FAM120C: variants seen among roughly 807,000 people sequenced by gnomAD.
The protein encoded by FAM120C is constitutive coactivator of PPAR-gamma-like protein 2.
FAM120C carries 14 observed loss-of-function variants against 71.2 expected under a neutral mutation model. The observed-to-expected ratio is 0.20, with a 90% CI of 0.13 to 0.31. The LOEUF is 0.31. Among genes scored for constraint, FAM120C ranks in the 10% least tolerant of loss-of-function variants. The pLI, the probability that FAM120C is intolerant of heterozygous loss-of-function variation, is 1.00. For synonymous variants in FAM120C, 354 were observed against 353.2 expected (o/e 1.00, Z -0.03); for missense variants, 500 against 879.0 (o/e 0.57, Z 5.45).
chrX:54,160,393 G>C (rs1393584493), intron 1 of FAM120C, among the ~76,000 whole-genome samples: 1 of 111,189 alleles, frequency 9.0e-6, no homozygotes, highest in African/African-American at 3.3e-5. Context: ...AAGGCTACGA[G>C]AGATTGGCTG....
intron 13 of FAM120C, among the ~76,000 whole-genome samples, chrX:54,084,824 C>T (rs953291928): frequency 1.8e-5 from 2 of 111,502 alleles, no homozygotes; most frequent in Non-Finnish European, 3.8e-5. Context: ...TAAACTGTAG[C>T]TCAAGTGCCA....
Position 54,070,729 on chromosome X carries a change from A to G in FAM120C, c.*2304T>C, listed in dbSNP as rs1003185647. On this transcript the variant is annotated 3_prime_UTR_variant, in exon 16 of 16. Coordinates refer to ENST00000375180, the MANE Select transcript of FAM120C (RefSeq NM_017848.6). ...AAGAGAAGGGGGACCACATTAAGGG[A>G]GCTGATTCCAAAGAGGAGGTTTTTC... is the stretch of plus-strand genomic sequence containing the variant. 1.8e-5 allele frequency: 2 copies of G among 111,696 alleles called. No homozygotes were observed. Among genetic ancestry groups the G allele is most frequent in the Non-Finnish European group, 3.8e-5 (2 of 53,190 alleles). 9.2% of individuals were successfully genotyped at this position (111,696 alleles called of 1,213,427 possible). A position where few individuals can be genotyped will look rare whatever the true frequency, so the allele number is the denominator to read the frequency against.
rs147691767 is a variant in FAM120C at position 54,159,257 on chromosome X, A to C, written c.946+113T>G. On this transcript the variant is annotated intron_variant, in intron 2 of 15. Transcript: ENST00000375180. ...TTCTCCCCAGCAGTGTTTAGCGTGAAGACTTTAAGAAGACAAATCTAATGA... is the reference window on the plus strand; with the variant it reads ...TTCTCCCCAGCAGTGTTTAGCGTGACGACTTTAAGAAGACAAATCTAATGA... 3.5e-3 allele frequency: 3,388 copies of C among 972,430 alleles called. 55 individuals are homozygous for C. In the African/African-American group the frequency reaches 0.059, roughly 17 times the overall value. The allele number at this position is 972,430 out of a possible 1,213,427, so 80.1% of individuals were successfully genotyped here.
intron 10 of FAM120C, among the ~76,000 whole-genome samples, chrX:54,093,894 T>A (rs782582032): frequency 9.0e-6 from 1 of 111,251 alleles, no homozygotes; most frequent in South Asian, 3.8e-4. Flanking sequence ...AGTAGTTACA[T>A]TACTACAAAT....
intron 1 of FAM120C, among the ~76,000 whole-genome samples, chrX:54,167,443 C>G (rs1557135307): frequency 1.8e-5 from 2 of 111,554 alleles, no homozygotes; most frequent in Non-Finnish European, 3.8e-5. Context: ...TTAAAGAAAG[C>G]GAGAGTTGAG....
intron 10 of FAM120C, among the ~76,000 whole-genome samples, chrX:54,113,499 A>C (rs2146589585): frequency 9.0e-6 from 1 of 110,947 alleles, no homozygotes; most frequent in South Asian, 3.8e-4. Context: ...AAAAACAAAA[A>C]TAGACAAAGG....
chrX:54,125,275 G>T (rs1285839190), intron 9 of FAM120C, among the ~76,000 whole-genome samples: 3 of 108,399 alleles, frequency 2.8e-5, no homozygotes, highest in Non-Finnish European at 5.7e-5. Context: ...GTATTCCATT[G>T]ATCTACATGT....
chrX:54,174,866 T>C (rs1337060609), intron 1 of FAM120C, among the ~76,000 whole-genome samples: 1 of 112,326 alleles, frequency 8.9e-6, no homozygotes, highest in Non-Finnish European at 1.9e-5. Flanking sequence ...AATTTCCTCA[T>C]GTGATACAGA....
chrX:54,113,662 A>G (rs1557126120), intron 10 of FAM120C, among the ~76,000 whole-genome samples: 1 of 111,032 alleles, frequency 9.0e-6, no homozygotes, highest in Non-Finnish European at 1.9e-5. Context: ...CTGTAATCCC[A>G]GCATTTTGGG....
At chrX:54,148,482 A>G (rs2067168552) in intron 4 of FAM120C, among the ~76,000 whole-genome samples, 1 of 111,231 alleles carries the variant, frequency 9.0e-6, no homozygotes, top group Non-Finnish European at 1.9e-5. Flanking sequence ...CCCTGTCTCT[A>G]CGAAAAGTAC....
chrX:54,116,613 C>T lies in FAM120C; in HGVS notation c.2244G>A (p.Ser748=), dbSNP rs147114137. The part of the protein sequence containing the change: ...RMRAFLACMK[S]DTPSMLNPAN... ...CTGGATTGAGCATACTGGGCGTGTC[C>T]GACTTCATACAGGCCAGGAAGGCCC... Residue 748 remains serine (S), a synonymous_variant, in exon 10 of 16, where the codon TCG becomes TCA. Transcript: ENST00000375180. 2.6e-5 allele frequency: 31 copies of T among 1,209,697 alleles called. 1 individual carries two copies. Among genetic ancestry groups the T allele is most frequent in the African/African-American group, 1.6e-4 (9 of 57,162 alleles).
rs782407337 is a variant in FAM120C at position 54,072,427 on chromosome X, T to A, written c.*606A>T. 9.1e-6 allele frequency: 1 copy of A among 110,111 alleles called. No homozygotes were observed. The highest frequency in any genetic ancestry group is 2.8e-4 in the East Asian group (1 of 3,521). 9.1% of individuals were successfully genotyped at this position (110,111 alleles called of 1,213,427 possible). ...AGTGTATAAAATAAAAAATAAAAAT[T>A]AAAATAACCAATACTACCTTACTTT... On this transcript the variant is annotated 3_prime_UTR_variant, in exon 16 of 16. Coordinates refer to ENST00000375180, the MANE Select transcript of FAM120C (RefSeq NM_017848.6).
chrX:54,083,478 C>CACACA (rs782758591), intron 13 of FAM120C, among the ~76,000 whole-genome samples: 17 of 101,755 alleles, frequency 1.7e-4, no homozygotes, highest in South Asian at 4.3e-4. Flanking sequence ...CACACACACA[C>CACACA]CAAAATATTA....
In FAM120C at chrX:54,101,209, C is replaced by A. The variant is rs192576028; in HGVS notation, c.2313-9783G>T. Among the ~76,000 whole-genome samples, 36 of 111,494 alleles carry A rather than the reference C, an allele frequency of 3.2e-4. No individual in the cohort carries two copies. In the East Asian group the frequency reaches 6.2e-3, roughly 19 times the overall value. On this transcript the variant is annotated intron_variant, in intron 10 of 15. Transcript: ENST00000375180. ...GTACCTTCCTGAGCTGAGACATGAG[C>A]CACACCTGGGTCCATGTGAGATATG...
Position 54,134,007 on chromosome X carries a change from T to C in FAM120C, c.1656A>G (p.Gly552=). 1 of 1,211,283 alleles carries C rather than the reference T, an allele frequency of 8.3e-7. No individual in the cohort carries two copies. Among genetic ancestry groups the C allele is most frequent in the Non-Finnish European group, 1.1e-6 (1 of 895,297 alleles). ...TEAFHHQPEW[G]NPNRDRGSWA... ...AGGACCCTCTGTCACGATTGGGATT[T>C]CCCCACTCAGGCTGGTGATGAAATG... Residue 552 remains glycine, a synonymous_variant, in exon 8 of 16, where the codon GGA becomes GGG. Coordinates refer to ENST00000375180, the MANE Select transcript of FAM120C (RefSeq NM_017848.6).
At chrX:54,176,689 T>C (rs1418256846) in intron 1 of FAM120C, among the ~76,000 whole-genome samples, 1 of 111,792 alleles carries the variant, frequency 8.9e-6, no homozygotes, top group Non-Finnish European at 1.9e-5. Context: ...GGAATTAACA[T>C]ATAACATTGT....
At chrX:54,092,529 A>C (rs782477822) in intron 10 of FAM120C, among the ~76,000 whole-genome samples, 86 of 109,801 alleles carry the variant, frequency 7.8e-4, no homozygotes, top group African/African-American at 2.6e-3. Flanking sequence ...TGGGCGACAG[A>C]GTGGTGGGGG....
At position 54,151,560 on chromosome X, in the gene FAM120C, A is replaced by G. The variant is rs41304782; in HGVS notation, c.1030-187T>C. Among the ~76,000 whole-genome samples the G allele has an allele frequency of 7.3e-3, 823 of 112,344 alleles. 2 individuals are homozygous for G. The highest frequency in any genetic ancestry group is 0.027 in the Middle Eastern group (6 of 219). On this transcript the variant is annotated intron_variant, in intron 3 of 15. Coordinates refer to ENST00000375180, the MANE Select transcript of FAM120C (RefSeq NM_017848.6). ...GAACACTTGGAAAAGATGGAAAAGT[A>G]TAAAGCAATAAAAACATATCATCCA... is the stretch of plus-strand genomic sequence containing the variant.
intron 13 of FAM120C, 140 bp from the exon 14 acceptor site, chrX:54,081,600 C>A: frequency 3.4e-6 from 2 of 580,044 alleles, no homozygotes; most frequent in Non-Finnish European, 2.6e-6. Context: ...TGGTGAAACC[C>A]TGTCTCTACT....
Sources: allele counts gnomAD v4.1 joint callset (sites outside exome capture counted in the v4.1 genomes callset), GRCh38; gene constraint gnomAD v4.1.1; transcripts MANE v1.5; gene names NCBI Gene and HGNC (gene_info 2026-07-23, HGNC 2026-07-21).